The following USH2A variants were observed in gnomAD, a reference collection of about 807,000 sequenced individuals.
USH2A encodes the protein usherin.
In USH2A, 443 loss-of-function variants were observed where a neutral mutation model predicts 538.9. That is an observed-to-expected ratio of 0.82 (90% CI 0.76 to 0.89). USH2A has a LOEUF of 0.89. Among genes scored for constraint, USH2A ranks in the 40% least tolerant of loss-of-function variants. USH2A has a pLI of 0.00. For missense variants in USH2A, 6,633 were observed against 6,324.8 expected, an observed-to-expected ratio of 1.05 and a Z score of -1.65; for synonymous variants, 2,413 against 2,273.5, an observed-to-expected ratio of 1.06 and a Z score of -1.75.
chr1:215,683,059 C>CTTT (rs1658291233), intron 61 of USH2A, among the ~76,000 whole-genome samples: 1 of 151,426 alleles, frequency 6.6e-6, no homozygotes, highest in South Asian at 2.1e-4. Flanking sequence ...TTCTTTCTTT[C>CTTT]CTTTTTTTGT....
intron 4 of USH2A, among the ~76,000 whole-genome samples, chr1:216,346,450 T>C (rs1050213995): frequency 6.6e-6 from 1 of 152,072 alleles, no homozygotes; most frequent in Non-Finnish European, 1.5e-5. Flanking sequence ...CTTTTGGGGG[T>C]ATCAGAAATC....
In USH2A at chr1:216,053,688, G is replaced by T. The variant is rs148465732; in HGVS notation, c.6050-5041C>A. Among the ~76,000 whole-genome samples, 16 of 152,226 alleles carry T rather than the reference G, an allele frequency of 1.1e-4. No individual in the cohort carries two copies. In the East Asian group the frequency reaches 3.1e-3, roughly 29 times the overall value. ...TTAGTATCCCATGAAACACAGGAGCGTGGGTATCCGGATTAAAATCATTGG... is the reference window on the plus strand; with the variant it reads ...TTAGTATCCCATGAAACACAGGAGCTTGGGTATCCGGATTAAAATCATTGG... On this transcript the variant is annotated intron_variant, in intron 30 of 71. Coordinates refer to ENST00000307340, the MANE Select transcript of USH2A (RefSeq NM_206933.4).
intron 64 of USH2A, among the ~76,000 whole-genome samples, chr1:215,668,472 A>G (rs1038544007): frequency 7.2e-5 from 11 of 152,158 alleles, no homozygotes; most frequent in African/African-American, 2.7e-4. Flanking sequence ...TTCTATCCTT[A>G]TGTTGTAACT....
chr1:216,124,356 C>A (rs975655267), intron 21 of USH2A, among the ~76,000 whole-genome samples: 3 of 151,656 alleles, frequency 2.0e-5, no homozygotes, highest in African/African-American at 7.3e-5. Flanking sequence ...GGAAATCCTG[C>A]AGCAAGCAAG....
chr1:216,240,013 C>CAAAAAAAA (rs55691066), intron 13 of USH2A, among the ~76,000 whole-genome samples: 46 of 112,274 alleles, frequency 4.1e-4, no homozygotes, highest in Non-Finnish European at 5.3e-4. Context: ...ATGAAATAAA[C>CAAAAAAAA]AAAAAAAAAA....
chr1:216,380,680 G>A (rs2038909454), intron 3 of USH2A, among the ~76,000 whole-genome samples: 1 of 152,066 alleles, frequency 6.6e-6, no homozygotes, highest in Non-Finnish European at 1.5e-5. Context: ...TTAGAGTACT[G>A]AGCTTTATAA....
At chr1:216,247,314 T>C in intron 12 of USH2A, 88 bp from the exon 13 acceptor site, 1 of 1,516,218 alleles carries the variant, frequency 6.6e-7, no homozygotes, top group Non-Finnish European at 9.1e-7. Context: ...CTGCAGATGA[T>C]ACGAACACAA....
intron 27 of USH2A, among the ~76,000 whole-genome samples, chr1:216,077,461 T>C (rs2031788829): frequency 1.3e-5 from 2 of 151,494 alleles, no homozygotes; most frequent in African/African-American, 2.4e-5. Flanking sequence ...ATGAATTGCA[T>C]TGATATTTTT....
At chr1:215,736,411 G>A (rs1660156626) in intron 60 of USH2A, among the ~76,000 whole-genome samples, 1 of 152,084 alleles carries the variant, frequency 6.6e-6, no homozygotes, top group Non-Finnish European at 1.5e-5. Context: ...AAATGAACCC[G>A]ATGCACATAG....
At chr1:215,641,884 A>G (rs1337995577) in intron 67 of USH2A, among the ~76,000 whole-genome samples, 1 of 152,252 alleles carries the variant, frequency 6.6e-6, no homozygotes, top group Non-Finnish European at 1.5e-5. Context: ...AATTTTCTGC[A>G]AACACCAAAA....
chr1:216,411,160 A>T (rs934111376), intron 3 of USH2A, among the ~76,000 whole-genome samples: 3 of 151,978 alleles, frequency 2.0e-5, no homozygotes, highest in Non-Finnish European at 2.9e-5. Flanking sequence ...CTCATTTCAC[A>T]CCATGTCCCA....
intron 30 of USH2A, among the ~76,000 whole-genome samples, chr1:216,050,063 G>A (rs2030692648): frequency 3.3e-5 from 5 of 152,262 alleles, no homozygotes; most frequent in Admixed American, 3.3e-4. Context: ...CCCTGCGATT[G>A]TCATTTCCTG....
intron 13 of USH2A, among the ~76,000 whole-genome samples, chr1:216,232,485 G>GGTA (rs1261160674): frequency 6.6e-6 from 1 of 152,100 alleles, no homozygotes; most frequent in Non-Finnish European, 1.5e-5. Flanking sequence ...AGGTACCTTT[G>GGTA]GTAGGGCAGA....
intron 3 of USH2A, among the ~76,000 whole-genome samples, chr1:216,396,286 C>T (rs2039210661): frequency 6.6e-6 from 1 of 152,148 alleles, no homozygotes; most frequent in Non-Finnish European, 1.5e-5. Flanking sequence ...TAATACATTT[C>T]TGTTTATACT....
At chr1:215,854,245 A>C (rs778083659) in intron 44 of USH2A, among the ~76,000 whole-genome samples, 1 of 152,150 alleles carries the variant, frequency 6.6e-6, no homozygotes, top group Non-Finnish European at 1.5e-5. Context: ...AAACCATCAG[A>C]TCTCATTAGA....
intron 38 of USH2A, among the ~76,000 whole-genome samples, chr1:215,929,447 G>T (rs1257898673): frequency 6.6e-6 from 1 of 151,924 alleles, no homozygotes; most frequent in Non-Finnish European, 1.5e-5. Flanking sequence ...TTACTGGCCT[G>T]GCCATATGTA....
intron 32 of USH2A, among the ~76,000 whole-genome samples, chr1:216,023,459 CAA>C: frequency 1.5e-3 from 72 of 46,952 alleles, no homozygotes; most frequent in South Asian, 6.4e-3. Flanking sequence ...TCAAAGCAGA[CAA>C]AAAAAAAAAA....
At chr1:216,042,816 C>T (rs898416371) in intron 32 of USH2A, among the ~76,000 whole-genome samples, 4 of 151,878 alleles carry the variant, frequency 2.6e-5, no homozygotes, top group Admixed American at 6.6e-5. Context: ...AATCTGTGGT[C>T]GTAAGAGTGG....
intron 30 of USH2A, among the ~76,000 whole-genome samples, chr1:216,063,760 A>T (rs906376133): frequency 5.3e-5 from 8 of 152,206 alleles, no homozygotes; most frequent in Non-Finnish European, 1.0e-4. Context: ...TGTCATTGGA[A>T]TTTTTTGTAA....
Sources: allele counts gnomAD v4.1 joint callset (sites outside exome capture counted in the v4.1 genomes callset), GRCh38; gene constraint gnomAD v4.1.1; transcripts MANE v1.5; gene names NCBI Gene and HGNC (gene_info 2026-07-23, HGNC 2026-07-21).